OSMR: variants seen among roughly 807,000 people sequenced by gnomAD.
OSMR encodes oncostatin M receptor.
In OSMR, 81 loss-of-function variants were observed where a neutral mutation model predicts 99.9. That is an observed-to-expected ratio of 0.81 (90% CI 0.68 to 0.97). The LOEUF is 0.97. Among genes scored for constraint, OSMR ranks in the 50% least tolerant of loss-of-function variants. OSMR has a pLI of 0.00. For missense variants in OSMR, 1,099 were observed against 1,153.4 expected, an observed-to-expected ratio of 0.95 and a Z score of 0.68; for synonymous variants, 406 against 410.4, an observed-to-expected ratio of 0.99 and a Z score of 0.13.
chr5:38,916,658 A>C (rs1475953543), intron 9 of OSMR, among the ~76,000 whole-genome samples: 1 of 152,188 alleles, frequency 6.6e-6, no homozygotes, highest in East Asian at 1.9e-4. Context: ...ACCTTTCCTT[A>C]TGATAAGTTG....
chr5:38,852,741 TTTTTTTTG>T (rs1285145193), intron 1 of OSMR, among the ~76,000 whole-genome samples: 2 of 102,016 alleles, frequency 2.0e-5, no homozygotes, highest in African/African-American at 8.6e-5. Flanking sequence ...TTTTTTTTTT[TTTTTTTTG>T]AGACGGAGTC....
chr5:38,921,689 G>A lies in OSMR; in HGVS notation c.1660G>A (p.Val554Ile), dbSNP rs964538356. 1 of 1,614,194 alleles carries A rather than the reference G, an allele frequency of 6.2e-7. No homozygotes were observed. The highest frequency in any genetic ancestry group is 1.3e-5 in the African/African-American group (1 of 75,054). The change falls in exon 12 of 18, where the codon GTT (valine) becomes ATT (isoleucine). Residue 554 changes from valine (V) to isoleucine (I), a missense_variant. Physicochemically the swap from Val to Ile is conservative, Grantham distance 29. Coordinates refer to ENST00000274276, the MANE Select transcript of OSMR (RefSeq NM_003999.3). ...GTCTTGGAAACCCCAACCTGGAGAT[G>A]TTATAGGCTATGTTGTGGACTGGTG... ...SLSWKPQPGD[V>I]IGYVVDWCDH...
intron 10 of OSMR, among the ~76,000 whole-genome samples, chr5:38,918,493 G>A (rs1439888956): frequency 1.3e-5 from 2 of 152,108 alleles, no homozygotes; most frequent in East Asian, 3.9e-4. Context: ...CCAGGGTGGT[G>A]CTGTTTGTAC....
At chr5:38,939,288 G>C (rs997872321), downstream of OSMR, 15 of 232,414 alleles carry the variant, frequency 6.5e-5, no homozygotes, top group Non-Finnish European at 9.4e-5. Context: ...TCAAGCTCTA[G>C]ATAAAAGAGC....
At chr5:38,936,437 C>T (rs907696391), downstream of OSMR, among the ~76,000 whole-genome samples, 8 of 152,236 alleles carry the variant, frequency 5.3e-5, no homozygotes, top group South Asian at 8.3e-4. Context: ...TTACATCCTG[C>T]GTCAGCCTGT....
chr5:38,926,757 C>A lies in OSMR; in HGVS notation c.2212+1386C>A, dbSNP rs556066252. Among the ~76,000 whole-genome samples the A allele has an allele frequency of 2.1e-3, 323 of 152,280 alleles. 1 individual carries two copies. The highest frequency in any genetic ancestry group is 2.2e-3 in the Non-Finnish European group (150 of 68,020). ...TTCCAAATCTCATGCCCTCATATTT[C>A]AAAACACAATTATGCCTTTCCAACA... On this transcript the variant is annotated intron_variant, in intron 15 of 17. Transcript: ENST00000274276.
rs200380897 is a variant in OSMR at position 38,883,811 on chromosome 5, T to C, written c.419-16T>C. ...TTTGAGTGCGATTCTAACTTGGCTA[T>C]TTTTTTTTCTTGCAGTACAAGATTC... is the stretch of plus-strand genomic sequence containing the variant. On this transcript the variant is annotated splice_polypyrimidine_tract_variant and intron_variant, in intron 4 of 17. Coordinates refer to ENST00000274276, the MANE Select transcript of OSMR (RefSeq NM_003999.3). 1.9e-5 allele frequency: 30 copies of C among 1,599,828 alleles called. No homozygotes were observed. The highest frequency in any genetic ancestry group is 1.3e-5 in the African/African-American group (1 of 74,444).
At chr5:38,857,041 T>A (rs1230660278) in intron 1 of OSMR, among the ~76,000 whole-genome samples, 2 of 152,252 alleles carry the variant, frequency 1.3e-5, no homozygotes, top group Non-Finnish European at 2.9e-5. Flanking sequence ...ATTGTGTTGC[T>A]TGACAGCTTT....
In OSMR at chr5:38,933,563, A is replaced by G; in HGVS notation, c.*119A>G. 2 of 1,101,192 alleles carry G rather than the reference A, an allele frequency of 1.8e-6. No individual in the cohort carries two copies. Among genetic ancestry groups the G allele is most frequent in the Non-Finnish European group, 2.7e-6 (2 of 737,436 alleles). The allele number at this position is 1,101,192 out of a possible 1,614,324, so 68.2% of individuals were successfully genotyped here. A position where few individuals can be genotyped will look rare whatever the true frequency, so the allele number is the denominator to read the frequency against. On this transcript the variant is annotated 3_prime_UTR_variant, in exon 18 of 18. Transcript: ENST00000274276. Reference sequence around the variant, plus strand: ...AGTACGATTTGCAGGTCTGGTTTATATAAGACCACTACAGTCTGGCTAGGT... The same window carrying G: ...AGTACGATTTGCAGGTCTGGTTTATGTAAGACCACTACAGTCTGGCTAGGT...
chr5:38,882,109 C>T (rs775194027), intron 4 of OSMR, among the ~76,000 whole-genome samples: 9 of 152,148 alleles, frequency 5.9e-5, no homozygotes, highest in South Asian at 4.1e-4. Context: ...AATGTGTATG[C>T]GTCTAGAGTA....
chr5:38,849,318 A>G (rs1021333845), intron 1 of OSMR, among the ~76,000 whole-genome samples: 1 of 152,194 alleles, frequency 6.6e-6, no homozygotes, highest in Non-Finnish European at 1.5e-5. Flanking sequence ...ATATTTTTGT[A>G]AAGTTTTAGA....
intron 7 of OSMR, among the ~76,000 whole-genome samples, chr5:38,889,514 C>G (rs1422047266): frequency 6.6e-6 from 1 of 151,948 alleles, no homozygotes; most frequent in East Asian, 1.9e-4. Context: ...TTCCTGAGTT[C>G]TGTTACCTCA....
At chr5:38,881,083 C>T (rs953762978) in intron 3 of OSMR, among the ~76,000 whole-genome samples, 3 of 152,142 alleles carry the variant, frequency 2.0e-5, no homozygotes, top group African/African-American at 4.8e-5. Context: ...TATCAACTTC[C>T]GAGAGAAAAT....
intron 4 of OSMR, among the ~76,000 whole-genome samples, chr5:38,883,241 G>A (rs1178178294): frequency 6.6e-6 from 1 of 152,130 alleles, no homozygotes; most frequent in Non-Finnish European, 1.5e-5. Context: ...CTTGAAGGTT[G>A]GATTTTTTAA....
chr5:38,879,987 CTTG>C (rs1431616827), intron 3 of OSMR, among the ~76,000 whole-genome samples: 1 of 151,974 alleles, frequency 6.6e-6, no homozygotes, highest in Non-Finnish European at 1.5e-5. Flanking sequence ...GACCTCACAA[CTTG>C]TTAAGGAACA....
intron 1 of OSMR, among the ~76,000 whole-genome samples, chr5:38,858,858 A>G (rs968409063): frequency 7.9e-5 from 12 of 152,098 alleles, no homozygotes; most frequent in African/African-American, 2.7e-4. Flanking sequence ...CTTGATGATT[A>G]TTGATGTTGG....
Position 38,932,978 on chromosome 5 carries a change from A to T in OSMR, c.2474A>T (p.Lys825Met), listed in dbSNP as rs754214619. The T allele has an allele frequency of 1.2e-5, 20 of 1,614,222 alleles. No individual in the cohort carries two copies. The highest frequency in any genetic ancestry group is 1.6e-5 in the Non-Finnish European group (19 of 1,180,028). Residue 825 changes from lysine to methionine, a missense_variant, in exon 18 of 18, where the codon AAG (lysine) becomes ATG (methionine). Transcript: ENST00000274276. The stretch of plus-strand genomic sequence containing the variant: ...AAGATACAGTTCCTAGGCACTAGGA[A>T]GTCACTCACAGAAACCGAGTTGACT... ...GTKIQFLGTR[K>M]SLTETELTKP...
At chr5:38,881,196 T>G (rs6893098) in intron 3 of OSMR, among the ~76,000 whole-genome samples, 91,734 of 143,544 alleles carry the variant, frequency 0.64, 28,224 homozygotes, top group Middle Eastern at 0.76. Context: ...CAAACAATCT[T>G]TTTTTTTTTT....
At chr5:38,939,789 T>A (rs2112751831), downstream of OSMR, 1 of 226,236 alleles carries the variant, frequency 4.4e-6, no homozygotes, top group African/African-American at 2.2e-5. Flanking sequence ...TAGTCTGTAA[T>A]ATCTATTATT....
Sources: allele counts gnomAD v4.1 joint callset (sites outside exome capture counted in the v4.1 genomes callset), GRCh38; gene constraint gnomAD v4.1.1; transcripts MANE v1.5; gene names NCBI Gene and HGNC (gene_info 2026-07-23, HGNC 2026-07-21).